Variants in KIF26B observed in about 807,000 individuals in gnomAD.
The protein encoded by KIF26B is kinesin-like protein KIF26B.
In KIF26B, 63 loss-of-function variants were observed where a neutral mutation model predicts 151.2. That is an observed-to-expected ratio of 0.42 (90% confidence interval 0.34 to 0.51). The LOEUF is 0.51. Among genes scored for constraint, KIF26B ranks in the 20% least tolerant of loss-of-function variants. KIF26B has a pLI of 0.07. For missense variants in KIF26B, 2,813 were observed against 2,913.6 expected, an observed-to-expected ratio of 0.97 and a Z score of 0.79; for synonymous variants, 1,357 against 1,262.1, an observed-to-expected ratio of 1.08 and a Z score of -1.59.
chr1:245,172,216 T>TGG (rs150694892), intron 2 of KIF26B, among the ~76,000 whole-genome samples: 241 of 151,410 alleles, frequency 1.6e-3, no homozygotes, highest in African/African-American at 5.3e-3. Flanking sequence ...CCCAGTCTGG[T>TGG]GGGGGGGGTG....
chr1:245,243,647 G>C (rs1323926183), intron 2 of KIF26B, among the ~76,000 whole-genome samples: 1 of 151,878 alleles, frequency 6.6e-6, no homozygotes, highest in Non-Finnish European at 1.5e-5. Flanking sequence ...TATGCTTTTT[G>C]AGTGGTTTAT....
At chr1:245,555,949 A>C (rs1295675305) in intron 5 of KIF26B, among the ~76,000 whole-genome samples, 1 of 152,172 alleles carries the variant, frequency 6.6e-6, no homozygotes, top group African/African-American at 2.4e-5. Flanking sequence ...GAGACTGTGT[A>C]GGGATTTGCC....
intron 4 of KIF26B, among the ~76,000 whole-genome samples, chr1:245,483,542 A>C (rs1660213276): frequency 6.6e-6 from 1 of 151,848 alleles, no homozygotes; most frequent in South Asian, 2.1e-4. Flanking sequence ...GCAGAAATGA[A>C]GTTTGCGTTG....
At chr1:245,529,460 G>A (rs1033752817) in intron 4 of KIF26B, among the ~76,000 whole-genome samples, 19 of 152,186 alleles carry the variant, frequency 1.2e-4, no homozygotes, top group Admixed American at 1.2e-3. Flanking sequence ...TTCTGCCACC[G>A]ACGGAGTATT....
At chr1:245,664,603 C>T (rs1318341723) in intron 10 of KIF26B, among the ~76,000 whole-genome samples, 1 of 152,008 alleles carries the variant, frequency 6.6e-6, no homozygotes, top group Admixed American at 6.6e-5. Flanking sequence ...TATTGGTGAA[C>T]CTATAAAACA....
intron 10 of KIF26B, among the ~76,000 whole-genome samples, chr1:245,648,675 C>T (rs993370053): frequency 1.3e-5 from 2 of 152,008 alleles, no homozygotes; most frequent in Admixed American, 1.3e-4. Flanking sequence ...ATCGTTCAAG[C>T]TTCGTGTTAA....
At chr1:245,690,138 A>T (rs2044605529) in intron 12 of KIF26B, among the ~76,000 whole-genome samples, 1 of 152,184 alleles carries the variant, frequency 6.6e-6, no homozygotes, top group Admixed American at 6.5e-5. Context: ...CTCTGCTCAT[A>T]AGTGGCTTCC....
At chr1:245,412,144 T>C (rs1674302844) in intron 3 of KIF26B, among the ~76,000 whole-genome samples, 1 of 152,238 alleles carries the variant, frequency 6.6e-6, no homozygotes, top group Admixed American at 6.5e-5. Flanking sequence ...GATGGTCTTT[T>C]CCAAGATAAT....
intron 5 of KIF26B, among the ~76,000 whole-genome samples, chr1:245,562,604 A>G (rs899280589): frequency 2.1e-4 from 18 of 85,040 alleles, no homozygotes; most frequent in African/African-American, 7.2e-4. Context: ...CCCTTCCCCC[A>G]TGCTCTTCTC....
At chr1:245,646,848 T>C (rs1332547747) in intron 10 of KIF26B, among the ~76,000 whole-genome samples, 1 of 152,178 alleles carries the variant, frequency 6.6e-6, no homozygotes, top group African/African-American at 2.4e-5. Flanking sequence ...TGCAAATGTT[T>C]AGTCACTTCC....
intron 2 of KIF26B, among the ~76,000 whole-genome samples, chr1:245,177,581 G>C (rs958526763): frequency 6.6e-6 from 1 of 152,068 alleles, no homozygotes; most frequent in Non-Finnish European, 1.5e-5. Context: ...TGAAGTTGCT[G>C]TAGCGCCATT....
In KIF26B at chr1:245,540,795, A is replaced by G; in HGVS notation, c.1195A>G (p.Lys399Glu). The G allele has an allele frequency of 1.9e-6, 3 of 1,613,872 alleles. No individual in the cohort carries two copies. The highest frequency in any genetic ancestry group is 1.7e-4 in the Middle Eastern group (1 of 6,058). The stretch of plus-strand genomic sequence containing the variant: ...TGCCCAGAAGTTAAATCTGTCTTCT[A>G]AAAAGAAGAAACATCGGCCTTCCAC... Reference protein sequence around the residue: ...RAAQKLNLSSKKKKHRPSTSS... With the variant: ...RAAQKLNLSSEKKKHRPSTSS... Residue 399 changes from lysine to glutamate, a missense_variant, in exon 5 of 15, where the codon AAA (lysine) becomes GAA (glutamate). By Grantham distance (56) the Lys-to-Glu change is moderately conservative. Around this residue, in one of 3 missense-constraint regions of KIF26B, gnomAD observed 676 missense variants for 688.1 expected, o/e 0.98. Coordinates refer to ENST00000407071, the MANE Select transcript of KIF26B (RefSeq NM_018012.4). The surrounding 1 kb of genome is among the most constrained non-coding windows in gnomAD (Gnocchi z 4.6).
intron 4 of KIF26B, among the ~76,000 whole-genome samples, chr1:245,478,270 C>T (rs1480056490): frequency 6.6e-6 from 1 of 151,672 alleles, no homozygotes; most frequent in African/African-American, 2.4e-5. Context: ...CCACGTTTGG[C>T]TGTTGTGAGT....
At chr1:245,222,716 T>C (rs1669798891) in intron 2 of KIF26B, among the ~76,000 whole-genome samples, 1 of 152,132 alleles carries the variant, frequency 6.6e-6, no homozygotes, top group Non-Finnish European at 1.5e-5. Context: ...GGATAAACAA[T>C]AGAGTTTTTC....
At chr1:245,650,056 G>A (rs142746820) in intron 10 of KIF26B, among the ~76,000 whole-genome samples, 112 of 152,258 alleles carry the variant, frequency 7.4e-4, no homozygotes, top group Admixed American at 2.0e-3. Flanking sequence ...CAGTCCAGGC[G>A]CCATAAATCA....
chr1:245,465,082 C>G (rs1404519319), intron 4 of KIF26B, among the ~76,000 whole-genome samples: 1 of 149,166 alleles, frequency 6.7e-6, no homozygotes, highest in African/African-American at 2.5e-5. Flanking sequence ...GGGTTCACGC[C>G]ATTCTCCTGC....
At chr1:245,679,522 G>A (rs541746475) in intron 10 of KIF26B, among the ~76,000 whole-genome samples, 1 of 132,610 alleles carries the variant, frequency 7.5e-6, no homozygotes, top group Non-Finnish European at 1.5e-5. Context: ...AGGCTGGAGT[G>A]CAGTGGCGCA....
intron 4 of KIF26B, among the ~76,000 whole-genome samples, chr1:245,505,138 A>G (rs981078000): frequency 6.6e-5 from 10 of 151,120 alleles, no homozygotes; most frequent in Non-Finnish European, 1.3e-4. Context: ...GGGTTTCACC[A>G]TGTTGGCCAG....
intron 9 of KIF26B, among the ~76,000 whole-genome samples, chr1:245,627,465 C>T (rs937023475): frequency 6.6e-6 from 1 of 152,186 alleles, no homozygotes; most frequent in Middle Eastern, 3.4e-3. Context: ...GTACCAGAAG[C>T]TCTGGGACAC....
Sources: allele counts gnomAD v4.1 joint callset (sites outside exome capture counted in the v4.1 genomes callset), GRCh38; gene constraint gnomAD v4.1.1; regional missense constraint gnomAD v4.1.1; non-coding constraint Gnocchi (gnomAD v3.1); transcripts MANE v1.5; gene names NCBI Gene and HGNC (gene_info 2026-07-23, HGNC 2026-07-21).